The following OSBPL8 variants were observed in gnomAD, a reference collection of about 807,000 sequenced individuals.
OSBPL8 encodes oxysterol binding protein like 8.
A neutral mutation model predicts 125.5 loss-of-function variants in OSBPL8; 59 were observed. That is an observed-to-expected ratio of 0.47 (90% confidence interval 0.38 to 0.58). OSBPL8 has a LOEUF of 0.58. OSBPL8 is among the 20% of genes least tolerant of loss of function. The pLI, the probability that OSBPL8 is intolerant of heterozygous loss-of-function variation, is 0.00. For missense variants in OSBPL8, 758 were observed against 1,047.8 expected (o/e 0.72, Z 3.82); for synonymous variants, 330 against 338.9 (o/e 0.97, Z 0.29).
rs749013257 is a variant in OSBPL8, at chr12:76,371,433, A to G, written c.2054+15T>C. 6.3e-7 allele frequency: 1 copy of G among 1,587,144 alleles called. No individual in the cohort carries two copies. The highest frequency in any genetic ancestry group is 1.8e-5 in the Admixed American group (1 of 56,430). ...TCTGATCCTCATGAAGTTAGCTGTA[A>G]AACAGTATACTTACTTCTCTGATTC... On this transcript the variant is annotated intron_variant, in intron 19 of 23. Transcript: ENST00000261183.
chr12:76,513,440 A>T (rs1262022347), intron 1 of OSBPL8, among the ~76,000 whole-genome samples: 3 of 152,360 alleles, frequency 2.0e-5, no homozygotes, highest in Non-Finnish European at 4.4e-5. Context: ...GGCCTGTCAG[A>T]TCCATTTGAT....
intron 2 of OSBPL8, among the ~76,000 whole-genome samples, chr12:76,486,931 GAAGGATAGATAAAAT>G: frequency 6.6e-6 from 1 of 151,888 alleles, no homozygotes; most frequent in South Asian, 2.1e-4. Flanking sequence ...TATATGGCTG[GAAGGATAGATAAAAT>G]AAGAGGAGGA....
chr12:76,469,609 C>G (rs1875878211), intron 2 of OSBPL8, among the ~76,000 whole-genome samples: 1 of 152,190 alleles, frequency 6.6e-6, no homozygotes, highest in Non-Finnish European at 1.5e-5. Flanking sequence ...AGAAAACTTC[C>G]TTTAGGATTC....
At chr12:76,467,544 T>C (rs1875608095) in intron 2 of OSBPL8, among the ~76,000 whole-genome samples, 1 of 152,222 alleles carries the variant, frequency 6.6e-6, no homozygotes, top group Admixed American at 6.5e-5. Flanking sequence ...TTTGCCCATC[T>C]TTCTTTCAAA....
intron 8 of OSBPL8, among the ~76,000 whole-genome samples, chr12:76,395,726 G>A (rs1438886890): frequency 1.3e-5 from 2 of 152,040 alleles, no homozygotes; most frequent in East Asian, 3.8e-4. Context: ...TTATAGGTAT[G>A]AGAATTAAAT....
At chr12:76,558,828 G>A (rs1321588404) in intron 1 of OSBPL8, among the ~76,000 whole-genome samples, 1 of 152,200 alleles carries the variant, frequency 6.6e-6, no homozygotes, top group Non-Finnish European at 1.5e-5. Context: ...CTTGAGAGAG[G>A]GCTTAGAAAC....
At chr12:76,357,161 A>C (rs1028164352) in intron 22 of OSBPL8, among the ~76,000 whole-genome samples, 7 of 152,282 alleles carry the variant, frequency 4.6e-5, no homozygotes, top group Middle Eastern at 3.4e-3. Flanking sequence ...TTTACTGCCA[A>C]TCAGCAAGCT....
intron 21 of OSBPL8, among the ~76,000 whole-genome samples, chr12:76,360,444 C>T (rs547562112): frequency 2.6e-5 from 4 of 152,334 alleles, no homozygotes; most frequent in East Asian, 1.9e-4. Context: ...CATGGGCTGG[C>T]GCTGAGTGTC....
chr12:76,368,264 A>G (rs1290338446), intron 21 of OSBPL8, among the ~76,000 whole-genome samples: 1 of 152,112 alleles, frequency 6.6e-6, no homozygotes, highest in Non-Finnish European at 1.5e-5. Context: ...TGGTTTCTAT[A>G]AGATATCGGT....
At chr12:76,529,001 T>C (rs1950261494) in intron 1 of OSBPL8, among the ~76,000 whole-genome samples, 1 of 152,194 alleles carries the variant, frequency 6.6e-6, no homozygotes, top group Non-Finnish European at 1.5e-5. Flanking sequence ...GGTAGTGTGG[T>C]CTACCTCTGA....
In OSBPL8 at chr12:76,351,839, A is replaced by G. The variant is rs1227191301; in HGVS notation, c.*4050T>C. On this transcript the variant is annotated 3_prime_UTR_variant, in exon 24 of 24. Coordinates refer to ENST00000261183, the MANE Select transcript of OSBPL8 (RefSeq NM_020841.5). ...TTTTATTTAGAAGCCTACTTGTAGA[A>G]GTTAGCATAATTTTACAGATTATTA... The G allele has an allele frequency of 2.0e-5, 3 of 152,374 alleles. No homozygotes were observed. The highest frequency in any genetic ancestry group is 6.5e-5 in the Admixed American group (1 of 15,306). 9.4% of individuals were successfully genotyped at this position (152,374 alleles called of 1,614,324 possible).
chr12:76,359,790 G>A (rs750352138), intron 21 of OSBPL8, among the ~76,000 whole-genome samples: 30 of 152,104 alleles, frequency 2.0e-4, no homozygotes, highest in African/African-American at 6.5e-4. Flanking sequence ...TCACTACCAC[G>A]AGAACAATAT....
Position 76,355,761 on chromosome 12 carries a change from T to C in OSBPL8, c.*128A>G, listed in dbSNP as rs574444447. The C allele has an allele frequency of 7.0e-5, 70 of 996,634 alleles. No homozygotes were observed. The highest frequency in any genetic ancestry group is 3.3e-4 in the Admixed American group (11 of 33,726). The allele number at this position is 996,634 out of a possible 1,614,324, so 61.7% of individuals were successfully genotyped here. ...AAAAGATACGAAAAGTCAATACCTC[T>C]ACATTTATCTCCTAGGTTTTTTTGT... is the stretch of plus-strand genomic sequence containing the variant. On this transcript the variant is annotated 3_prime_UTR_variant, in exon 24 of 24. Transcript: ENST00000261183.
chr12:76,371,419 T>A, intron 19 of OSBPL8, 29 bp downstream of exon 19: 1 of 1,564,952 alleles, frequency 6.4e-7, no homozygotes, highest in South Asian at 1.2e-5. Context: ...CTGATCCTCA[T>A]GAAGTTAGCT....
At chr12:76,397,960 C>T in intron 7 of OSBPL8, 63 bp from the exon 8 acceptor site, 1 of 1,377,072 alleles carries the variant, frequency 7.3e-7, no homozygotes, top group South Asian at 1.3e-5. Context: ...AACGAAAATA[C>T]TGCAAATAAG....
intron 1 of OSBPL8, among the ~76,000 whole-genome samples, chr12:76,521,228 C>A (rs184825576): frequency 1.4e-4 from 22 of 152,236 alleles, no homozygotes; most frequent in African/African-American, 5.1e-4. Flanking sequence ...CCTAATTATG[C>A]AAACATATTG....
intron 14 of OSBPL8, among the ~76,000 whole-genome samples, chr12:76,385,653 A>T (rs545631906): frequency 1.3e-5 from 2 of 151,028 alleles, no homozygotes; most frequent in African/African-American, 2.5e-5. Context: ...GTTTAGATAA[A>T]GAATAGCTAA....
chr12:76,461,637 C>T (rs1345171378), intron 2 of OSBPL8, among the ~76,000 whole-genome samples: 1 of 152,060 alleles, frequency 6.6e-6, no homozygotes, highest in Admixed American at 6.6e-5. Context: ...CGGGGTTTCA[C>T]CATGTTAGCC....
intron 1 of OSBPL8, among the ~76,000 whole-genome samples, chr12:76,524,892 C>T (rs1950126949): frequency 1.3e-5 from 2 of 152,062 alleles, no homozygotes; most frequent in African/African-American, 2.4e-5. Context: ...TCATGTTGGC[C>T]AGGCTGGTCT....
Sources: allele counts gnomAD v4.1 joint callset (sites outside exome capture counted in the v4.1 genomes callset), GRCh38; gene constraint gnomAD v4.1.1; transcripts MANE v1.5; gene names NCBI Gene and HGNC (gene_info 2026-07-23, HGNC 2026-07-21).